The following TBL1X variants were observed in gnomAD, a reference collection of about 807,000 sequenced individuals.
TBL1X encodes F-box-like/WD repeat-containing protein TBL1X.
A neutral mutation model predicts 50.7 loss-of-function variants in TBL1X; 10 were observed. That is an observed-to-expected ratio of 0.20 (90% CI 0.12 to 0.33). The LOEUF (loss-of-function observed/expected upper bound fraction) is 0.33. Among genes scored for constraint, TBL1X ranks in the 10% least tolerant of loss-of-function variants. TBL1X has a pLI of 1.00. For missense variants in TBL1X, 340 were observed against 504.4 expected, an observed-to-expected ratio of 0.67 and a Z score of 3.12; for synonymous variants, 190 against 214.7, an observed-to-expected ratio of 0.88 and a Z score of 1.01.
chrX:9,659,381 C>T (rs910569832), intron 5 of TBL1X, among the ~76,000 whole-genome samples: 22 of 37,983 alleles, frequency 5.8e-4, no homozygotes, highest in African/African-American at 1.0e-3. Flanking sequence ...GAGAGTGTGA[C>T]GTCTTTCACT....
chrX:9,485,740 A>G (rs1369385873), intron 1 of TBL1X, among the ~76,000 whole-genome samples: 4 of 111,107 alleles, frequency 3.6e-5, no homozygotes, highest in Non-Finnish European at 7.5e-5. Context: ...TTTCACAGGC[A>G]AACCAAATCC....
Position 9,709,335 on chromosome X carries a change from TGGCAA to T in TBL1X, c.1311+16_1311+20del. ...CATGACATTGAAGGTAGAGTCGGCA[TGGCAA>T]GGGGTGGGCTGTTTAATCCTAGACA... On this transcript the variant is annotated intron_variant, in intron 14 of 17. Coordinates refer to ENST00000645353, the MANE Select transcript of TBL1X (RefSeq NM_005647.4). The T allele has an allele frequency of 8.3e-7, 1 of 1,209,164 alleles. No homozygotes were observed. Among genetic ancestry groups the T allele is most frequent in the Non-Finnish European group, 1.1e-6 (1 of 893,396 alleles).
chrX:9,699,354 T>C (rs748731525), intron 12 of TBL1X, among the ~76,000 whole-genome samples: 2 of 111,952 alleles, frequency 1.8e-5, no homozygotes, highest in South Asian at 3.8e-4. Flanking sequence ...TAATAGACTA[T>C]TGGAAGTCTT....
At chrX:9,606,105 GC>G (rs2082581815) in intron 2 of TBL1X, among the ~76,000 whole-genome samples, 1 of 111,865 alleles carries the variant, frequency 8.9e-6, no homozygotes, top group Non-Finnish European at 1.9e-5. Context: ...CTCGTGTGGG[GC>G]TGGGGGGTCA....
At chrX:9,608,539 C>A (rs949154506) in intron 2 of TBL1X, among the ~76,000 whole-genome samples, 1 of 111,342 alleles carries the variant, frequency 9.0e-6, no homozygotes, top group African/African-American at 3.3e-5. Context: ...CAATGTTTGT[C>A]TCTTTGAAGC....
At chrX:9,614,902 G>A (rs2082631873) in intron 2 of TBL1X, among the ~76,000 whole-genome samples, 1 of 111,850 alleles carries the variant, frequency 8.9e-6, no homozygotes, top group Admixed American at 9.5e-5. Flanking sequence ...TTAACATTTG[G>A]TTCCACATCC....
chrX:9,495,445 T>C (rs777174267), intron 1 of TBL1X, among the ~76,000 whole-genome samples: 2 of 110,846 alleles, frequency 1.8e-5, no homozygotes, highest in Non-Finnish European at 3.8e-5. Flanking sequence ...ATCTTCATGT[T>C]GTACACGCAT....
chrX:9,700,721 C>A (rs147521098), intron 12 of TBL1X, among the ~76,000 whole-genome samples: 1,154 of 111,158 alleles, frequency 0.01, 8 homozygotes, highest in African/African-American at 0.036. Context: ...CATTGCCTTG[C>A]CCCACTAGCT....
intron 2 of TBL1X, among the ~76,000 whole-genome samples, chrX:9,568,828 G>A (rs190133582): frequency 9.1e-6 from 1 of 109,910 alleles, no homozygotes; most frequent in East Asian, 2.9e-4. Context: ...GTCTATCTGT[G>A]CAGTGTGCTG....
At chrX:9,555,997 G>A (rs761034467) in intron 2 of TBL1X, among the ~76,000 whole-genome samples, 32 of 110,046 alleles carry the variant, frequency 2.9e-4, no homozygotes, top group Non-Finnish European at 4.7e-4. Flanking sequence ...AGATCAGCCT[G>A]GGCAACATGG....
chrX:9,570,805 G>T (rs777772070), intron 2 of TBL1X, among the ~76,000 whole-genome samples: 2 of 107,175 alleles, frequency 1.9e-5, no homozygotes, highest in Non-Finnish European at 3.8e-5. Context: ...AGCCTCCCAA[G>T]TAGCTGGGAC....
At chrX:9,572,198 C>G (rs1391617477) in intron 2 of TBL1X, among the ~76,000 whole-genome samples, 2 of 112,124 alleles carry the variant, frequency 1.8e-5, no homozygotes, top group East Asian at 5.6e-4. Flanking sequence ...GAGGTGACCT[C>G]TTTCTGTTCC....
chrX:9,532,676 C>T (rs1251096741), intron 2 of TBL1X, among the ~76,000 whole-genome samples: 1 of 111,206 alleles, frequency 9.0e-6, no homozygotes, highest in African/African-American at 3.3e-5. Flanking sequence ...AGGGTTGGTT[C>T]CTCCCTAGGC....
intron 1 of TBL1X, among the ~76,000 whole-genome samples, chrX:9,497,818 C>T (rs1307979350): frequency 6.1e-5 from 5 of 82,128 alleles, no homozygotes; most frequent in South Asian, 7.2e-4. Context: ...CCCTCCCTCT[C>T]GTTTCTTTCT....
chrX:9,557,748 AT>A (rs1462467051), intron 2 of TBL1X, among the ~76,000 whole-genome samples: 1 of 111,750 alleles, frequency 8.9e-6, no homozygotes, highest in Non-Finnish European at 1.9e-5. Context: ...AAGCCACCAC[AT>A]TCGGTGACAT....
chrX:9,633,252 T>G (rs1161488166), intron 2 of TBL1X, among the ~76,000 whole-genome samples: 1 of 112,017 alleles, frequency 8.9e-6, no homozygotes, highest in Non-Finnish European at 1.9e-5. Flanking sequence ...ATATAGAACC[T>G]TTTTTTATGT....
chrX:9,692,870 A>G (rs1037628664), intron 9 of TBL1X, among the ~76,000 whole-genome samples: 1 of 112,445 alleles, frequency 8.9e-6, no homozygotes, highest in African/African-American at 3.2e-5. Context: ...TTCTGGAGAG[A>G]TACGTCGTGC....
At chrX:9,692,688 G>A (rs1239750628) in intron 9 of TBL1X, among the ~76,000 whole-genome samples, 2 of 112,905 alleles carry the variant, frequency 1.8e-5, no homozygotes, top group Non-Finnish European at 3.7e-5. Context: ...GATTATAGGC[G>A]TGAGCCACTG....
intron 5 of TBL1X, among the ~76,000 whole-genome samples, chrX:9,655,591 C>G (rs777148600): frequency 3.2e-4 from 36 of 111,754 alleles, no homozygotes; most frequent in Non-Finnish European, 5.5e-4. Context: ...CACTTCAACT[C>G]ATAACAGTCG....
Sources: allele counts gnomAD v4.1 joint callset (sites outside exome capture counted in the v4.1 genomes callset), GRCh38; gene constraint gnomAD v4.1.1; transcripts MANE v1.5; gene names NCBI Gene and HGNC (gene_info 2026-07-23, HGNC 2026-07-21).